FAM184A: variants seen among roughly 807,000 people sequenced by gnomAD.
The protein encoded by FAM184A is protein FAM184A.
Under a neutral mutation model 143.8 loss-of-function variants are expected in FAM184A, and 99 were observed. The ratio of observed to expected loss-of-function variants is 0.69; its 90% CI spans 0.58 to 0.81. The LOEUF (loss-of-function observed/expected upper bound fraction) is 0.81, where lower values mean the gene tolerates loss of function less well. FAM184A is among the 40% of genes least tolerant of loss of function. The pLI, the probability that FAM184A is intolerant of heterozygous loss-of-function variation, is 0.00. For synonymous variants in FAM184A, 427 were observed against 446.4 expected (o/e 0.96, Z 0.55); for missense variants, 1,217 against 1,310.5 (o/e 0.93, Z 1.10).
At chr6:119,041,622 C>T (rs1229032241) in intron 1 of FAM184A, among the ~76,000 whole-genome samples, 3 of 152,070 alleles carry the variant, frequency 2.0e-5, no homozygotes, top group African/African-American at 7.2e-5. Context: ...TCTTCTGGTC[C>T]GTGTTTGTTA....
At chr6:119,134,084 A>G (rs895105601) in intron 1 of FAM184A, among the ~76,000 whole-genome samples, 2 of 152,162 alleles carry the variant, frequency 1.3e-5, no homozygotes, top group African/African-American at 4.8e-5. Context: ...AAAAGACGTA[A>G]TAATGAGAAT....
intron 1 of FAM184A, among the ~76,000 whole-genome samples, chr6:119,077,459 A>C (rs762961389): frequency 6.6e-5 from 10 of 152,196 alleles, no homozygotes; most frequent in Non-Finnish European, 1.0e-4. Context: ...ATCAACATTA[A>C]ATTAGAAAAA....
At chr6:119,126,743 C>T (rs564701827) in intron 1 of FAM184A, among the ~76,000 whole-genome samples, 4 of 152,190 alleles carry the variant, frequency 2.6e-5, no homozygotes, top group Non-Finnish European at 5.9e-5. Context: ...GCCTTCTGTA[C>T]CCCGAGCTCT....
intron 1 of FAM184A, among the ~76,000 whole-genome samples, chr6:119,148,087 C>G (rs1772513673): frequency 6.6e-6 from 1 of 152,158 alleles, no homozygotes; most frequent in Admixed American, 6.5e-5. Flanking sequence ...GTCAACCCAC[C>G]CACCCTAGTT....
At chr6:119,110,897 C>T (rs1340197745) in intron 1 of FAM184A, among the ~76,000 whole-genome samples, 1 of 152,204 alleles carries the variant, frequency 6.6e-6, no homozygotes, top group Non-Finnish European at 1.5e-5. Flanking sequence ...TTTTGCCAGA[C>T]ATTGGGTCTA....
At chr6:119,041,702 T>A (rs1786339988) in intron 1 of FAM184A, among the ~76,000 whole-genome samples, 1 of 152,166 alleles carries the variant, frequency 6.6e-6, no homozygotes, top group Non-Finnish European at 1.5e-5. Context: ...CGCCGCTGAC[T>A]TCCACCCCTC....
intron 1 of FAM184A, among the ~76,000 whole-genome samples, chr6:119,131,204 G>T (rs1789525809): frequency 1.3e-5 from 2 of 152,100 alleles, no homozygotes; most frequent in South Asian, 4.1e-4. Context: ...ATCAAAGGTG[G>T]AAGGAAATGG....
chr6:119,024,399 C>T lies in FAM184A; in HGVS notation c.574G>A (p.Ala192Thr). ...TCTTGTATCTCCCGTCTGTGAGCAG[C>T]TTGCAAGTCTTCCAATGCCAATCGT... The part of the protein sequence containing the change: ...DKRLALEDLQ[A>T]AHRREIQELL... Residue 192 changes from alanine to threonine, a missense_variant, in exon 2 of 18, where the codon GCT (alanine) becomes ACT (threonine). Transcript: ENST00000338891. The T allele has an allele frequency of 6.2e-7, 1 of 1,614,200 alleles. No homozygotes were observed.
chr6:119,017,436 T>G (rs971284627), intron 4 of FAM184A, among the ~76,000 whole-genome samples: 2 of 151,442 alleles, frequency 1.3e-5, no homozygotes, highest in African/African-American at 4.9e-5. Context: ...AGACAGAGTT[T>G]GCAGTGAGCT....
intron 9 of FAM184A, among the ~76,000 whole-genome samples, chr6:118,984,123 C>T (rs1411026956): frequency 7.2e-6 from 1 of 139,626 alleles, no homozygotes; most frequent in Non-Finnish European, 1.5e-5. Context: ...ACACTCCAAC[C>T]TGGGCAATGA....
At chr6:119,144,812 G>T (rs1431294879) in intron 1 of FAM184A, among the ~76,000 whole-genome samples, 1 of 152,194 alleles carries the variant, frequency 6.6e-6, no homozygotes, top group African/African-American at 2.4e-5. Flanking sequence ...GGCCTAGGGG[G>T]TGGTAGATGG....
intron 1 of FAM184A, among the ~76,000 whole-genome samples, chr6:119,124,940 A>G (rs1789317066): frequency 1.3e-5 from 2 of 152,238 alleles, no homozygotes; most frequent in African/African-American, 4.8e-5. Flanking sequence ...TTGATTTTAC[A>G]TAAAAATCCC....
intron 3 of FAM184A, among the ~76,000 whole-genome samples, chr6:119,020,587 A>G (rs1785411787): frequency 6.6e-6 from 1 of 152,150 alleles, no homozygotes; most frequent in Non-Finnish European, 1.5e-5. Flanking sequence ...GTTCTTTTCT[A>G]ATTTATTTTC....
Position 119,095,893 on chromosome 6 carries a change from A to C in FAM184A, c.-202+53185T>G, listed in dbSNP as rs55805966. On this transcript the variant is annotated intron_variant, in intron 1 of 16. Coordinates refer to the FAM184A transcript ENST00000352896. ...TATTTTTTTGTGTGTGTGAACTTCC[A>C]GTCCATCTTCCATTGCCTTCCAATG... is the stretch of plus-strand genomic sequence containing the variant. Among the ~76,000 whole-genome samples, 494 of 152,280 alleles carry C rather than the reference A, an allele frequency of 3.2e-3. 4 individuals are homozygous for C. The highest frequency in any genetic ancestry group is 0.012 in the African/African-American group (482 of 41,562).
chr6:118,978,751 T>A (rs1783923379), intron 11 of FAM184A, among the ~76,000 whole-genome samples: 1 of 151,562 alleles, frequency 6.6e-6, no homozygotes, highest in South Asian at 2.1e-4. Context: ...GTTAAAAATA[T>A]TAGCATAATT....
chr6:119,078,503 C>T lies in FAM184A; in HGVS notation c.-204G>A. ...CGGGGCGGTCCCGCCGGCCCGAAGC[C>T]GCGGGGACAACGGCGCGGGGCAGAT... On this transcript the variant is annotated 5_prime_UTR_variant, in exon 1 of 18. Coordinates refer to ENST00000338891, the MANE Select transcript of FAM184A (RefSeq NM_024581.6). The surrounding 1 kb of genome is among the most constrained non-coding windows in gnomAD (Gnocchi z 5.5). The T allele has an allele frequency of 2.5e-6, 1 of 407,224 alleles. No individual in the cohort carries two copies. The highest frequency in any genetic ancestry group is 4.1e-6 in the Non-Finnish European group (1 of 241,574). The allele number at this position is 407,224 out of a possible 1,614,324, so 25.2% of individuals were successfully genotyped here. A position where few individuals can be genotyped will look rare whatever the true frequency, so the allele number is the denominator to read the frequency against.
chr6:119,072,148 C>T (rs945143362), intron 1 of FAM184A, among the ~76,000 whole-genome samples: 1 of 152,182 alleles, frequency 6.6e-6, no homozygotes, highest in Non-Finnish European at 1.5e-5. Flanking sequence ...AGGCATGAGC[C>T]AGGGCACCCA....
At chr6:118,970,005 TA>T (rs1283573437) in intron 14 of FAM184A, among the ~76,000 whole-genome samples, 1 of 35,546 alleles carries the variant, frequency 2.8e-5, no homozygotes, top group African/African-American at 1.0e-4. Context: ...TATATATATA[TA>T]TATTTTTTTT....
chr6:119,115,473 C>G (rs1409952461), intron 1 of FAM184A, among the ~76,000 whole-genome samples: 2 of 152,160 alleles, frequency 1.3e-5, no homozygotes, highest in Non-Finnish European at 2.9e-5. Flanking sequence ...AGGAGGATAG[C>G]TTGAGACCAG....
Sources: gnomAD v4.1 joint callset for allele counts (sites outside exome capture counted in the v4.1 genomes callset) on GRCh38, gnomAD v4.1.1 for gene constraint, Gnocchi (gnomAD v3.1) non-coding constraint, MANE v1.5 for transcripts, NCBI Gene and HGNC (gene_info 2026-07-23, HGNC 2026-07-21) for gene names.